SFMBT2: variants seen among roughly 807,000 people sequenced by gnomAD.
SFMBT2 encodes scm-like with four MBT domains protein 2.
SFMBT2 carries 38 observed loss-of-function variants against 110.1 expected under a neutral mutation model. That is an observed-to-expected ratio of 0.35 (90% CI 0.27 to 0.45). The LOEUF (loss-of-function observed/expected upper bound fraction) is 0.45. SFMBT2 is among the 20% of genes least tolerant of loss of function. SFMBT2 has a pLI of 1.00. For missense variants in SFMBT2, 1,011 were observed against 1,094.9 expected (o/e 0.92, Z 1.08); for synonymous variants, 425 against 425.4 (o/e 1.00, Z 0.01).
At position 7,227,861 on chromosome 10, in the gene SFMBT2, G is replaced by C; in HGVS notation, c.1197C>G (p.Phe399Leu). 1 of 1,608,774 alleles carries C rather than the reference G, an allele frequency of 6.2e-7. No homozygotes were observed. The highest frequency in any genetic ancestry group is 8.5e-7 in the Non-Finnish European group (1 of 1,178,342). The part of the protein sequence containing the change: ...HGAQEAPPFC[F>L]RNTSFSRGFT... The stretch of plus-strand genomic sequence containing the variant: ...TAAGAGAGAAGCTTCTTACATTTCG[G>C]AAGCAGAAGGGAGGGGCTTCCTGCG... Residue 399 changes from phenylalanine to leucine, a missense_variant, in exon 10 of 21, where the codon TTC becomes TTG. By Grantham distance (22) the Phe-to-Leu change is conservative. Coordinates refer to ENST00000397167, the MANE Select transcript of SFMBT2 (RefSeq NM_001387889.1).
intron 1 of SFMBT2, among the ~76,000 whole-genome samples, chr10:7,383,424 G>A (rs1845483049): frequency 6.6e-6 from 1 of 152,168 alleles, no homozygotes; most frequent in African/African-American, 2.4e-5. Flanking sequence ...CTCATGCCAG[G>A]AACAAGTAGG....
At chr10:7,358,546 T>C (rs1214482187) in intron 4 of SFMBT2, among the ~76,000 whole-genome samples, 1 of 151,784 alleles carries the variant, frequency 6.6e-6, no homozygotes, top group African/African-American at 2.4e-5. Context: ...AACATCTGTA[T>C]GGCCATGGAA....
chr10:7,402,917 G>A (rs1304433749), intron 1 of SFMBT2, among the ~76,000 whole-genome samples: 3 of 152,192 alleles, frequency 2.0e-5, no homozygotes, highest in Non-Finnish European at 4.4e-5. Context: ...TTTCGATAGT[G>A]TCTTCTTCAT....
intron 8 of SFMBT2, chr10:7,243,926 T>C (rs576296012): frequency 4.3e-6 from 1 of 233,794 alleles, no homozygotes; most frequent in Admixed American, 6.5e-5. Flanking sequence ...AATAACTAGG[T>C]TATCTGGAAG....
intron 11 of SFMBT2, 91 bp from the exon 12 acceptor site, chr10:7,206,019 G>T: frequency 6.6e-7 from 1 of 1,516,014 alleles, no homozygotes; most frequent in Non-Finnish European, 8.9e-7. Context: ...CCCTAACATG[G>T]GGAAAAACAT....
intron 4 of SFMBT2, among the ~76,000 whole-genome samples, chr10:7,323,030 C>T (rs1321005162): frequency 2.6e-5 from 4 of 152,006 alleles, no homozygotes; most frequent in African/African-American, 9.7e-5. Context: ...ATGAAGAAAA[C>T]AGAGAAGTTG....
chr10:7,367,934 C>T lies in SFMBT2; in HGVS notation c.196-45G>A, dbSNP rs751018249. The T allele has an allele frequency of 8.2e-6, 13 of 1,592,640 alleles. No homozygotes were observed. The highest frequency in any genetic ancestry group is 4.1e-5 in the African/African-American group (3 of 74,056). ...AGAAAACCCATTACTACACTAGACACAATACATCCAGAAGATGACAAAAAC... is the reference window on the plus strand; with the variant it reads ...AGAAAACCCATTACTACACTAGACATAATACATCCAGAAGATGACAAAAAC... On this transcript the variant is annotated intron_variant, in intron 3 of 20. Transcript: ENST00000397167. The surrounding 1 kb of genome is among the most constrained non-coding windows in gnomAD (Gnocchi z 6.2).
intron 9 of SFMBT2, among the ~76,000 whole-genome samples, chr10:7,231,191 A>T (rs1840104803): frequency 6.6e-6 from 1 of 152,188 alleles, no homozygotes; most frequent in Non-Finnish European, 1.5e-5. Context: ...GTGAAGACAC[A>T]TCTCTGTAAC....
Position 7,366,976 on chromosome 10 carries a change from TTG to T in SFMBT2, c.436+671_436+672del, listed in dbSNP as rs375848332. On this transcript the variant is annotated intron_variant, in intron 4 of 20. Coordinates refer to ENST00000397167, the MANE Select transcript of SFMBT2 (RefSeq NM_001387889.1). Reference sequence around the variant, plus strand: ...ACTGCCCCCGGAGAGAATAGTGGCTTTGTAGCAACTAAATTGATCATATCTAT... The same window carrying T: ...ACTGCCCCCGGAGAGAATAGTGGCTTTAGCAACTAAATTGATCATATCTAT... 4.2e-3 allele frequency among the ~76,000 whole-genome samples: 632 copies of T among 152,288 alleles called. 3 individuals carry two copies. The highest frequency in any genetic ancestry group is 0.015 in the African/African-American group (608 of 41,564).
chr10:7,191,063 C>T (rs1303075221), intron 15 of SFMBT2, among the ~76,000 whole-genome samples: 2 of 150,194 alleles, frequency 1.3e-5, no homozygotes, highest in African/African-American at 4.9e-5. Context: ...TGTGAGGCCT[C>T]CCCAGCCATG....
intron 13 of SFMBT2, chr10:7,200,918 G>T: frequency 3.8e-6 from 3 of 779,950 alleles, no homozygotes; most frequent in Non-Finnish European, 4.7e-6. Flanking sequence ...CTCCGGGCCC[G>T]CGGGAGTCAT....
intron 4 of SFMBT2, among the ~76,000 whole-genome samples, chr10:7,290,254 T>C (rs939171044): frequency 1.5e-5 from 2 of 136,936 alleles, no homozygotes; most frequent in African/African-American, 2.8e-5. Flanking sequence ...TAGAAAGTCA[T>C]AAGAAACAAA....
chr10:7,199,831 A>G (rs1333985849), intron 14 of SFMBT2, among the ~76,000 whole-genome samples: 1 of 152,174 alleles, frequency 6.6e-6, no homozygotes, highest in Admixed American at 6.5e-5. Flanking sequence ...TAGAGAATAG[A>G]CTTTTTAATC....
intron 4 of SFMBT2, among the ~76,000 whole-genome samples, chr10:7,324,613 T>A (rs1843315620): frequency 6.6e-6 from 1 of 152,224 alleles, no homozygotes; most frequent in Non-Finnish European, 1.5e-5. Context: ...TGGTTGTTCT[T>A]ACCAGCTAGA....
At position 7,245,963 on chromosome 10, in the gene SFMBT2, CT is replaced by C. The variant is rs1840594103; in HGVS notation, c.973-2259del. Reference sequence around the variant, plus strand: ...TTTTCAAACATAATATTCCAAAGTACTTTCCTCATATTTAAAGAAATACATT... The same window carrying C: ...TTTTCAAACATAATATTCCAAAGTACTTCCTCATATTTAAAGAAATACATT... On this transcript the variant is annotated intron_variant, in intron 8 of 20. Transcript: ENST00000397167. Among the ~76,000 whole-genome samples the C allele has an allele frequency of 2.0e-5, 3 of 152,188 alleles. No individual in the cohort carries two copies. The South Asian group carries it at 6.2e-4, about 32-fold the overall frequency.
chr10:7,394,639 G>C (rs1845874636), intron 1 of SFMBT2, among the ~76,000 whole-genome samples: 1 of 151,302 alleles, frequency 6.6e-6, no homozygotes, highest in African/African-American at 2.4e-5. Flanking sequence ...TAATGGTCTT[G>C]CTTATTCCAA....
At chr10:7,195,912 C>T (rs1241144735) in intron 15 of SFMBT2, among the ~76,000 whole-genome samples, 1 of 152,174 alleles carries the variant, frequency 6.6e-6, no homozygotes, top group East Asian at 1.9e-4. Flanking sequence ...ATGACCACAA[C>T]AATAGCCTTA....
chr10:7,172,025 G>A lies in SFMBT2; in HGVS notation c.2285C>T (p.Thr762Ile). 1 of 1,586,112 alleles carries A rather than the reference G, an allele frequency of 6.3e-7. No individual in the cohort carries two copies. The highest frequency in any genetic ancestry group is 8.6e-7 in the Non-Finnish European group (1 of 1,167,842). ...CACGGGCTCTGAGCCGCTCCGCAGG[G>A]TGACGGCCCTCCGGGGCCGGGCCGA... ...VPSARPRRAV[T>I]LRSGSEPVRR... The change falls in exon 19 of 21, where the codon ACC (threonine) becomes ATC (isoleucine). Residue 762 changes from threonine to isoleucine, a missense_variant. Physicochemically the swap from Thr to Ile is moderately conservative, Grantham distance 89. Around this residue, in one of 2 missense-constraint regions of SFMBT2, gnomAD observed 979 missense variants for 1,016.1 expected, o/e 0.96. Coordinates refer to ENST00000397167, the MANE Select transcript of SFMBT2 (RefSeq NM_001387889.1). This position sits in a 1 kb window ranked among gnomAD's most constrained non-coding sequence, Gnocchi z 4.6.
chr10:7,353,645 C>T (rs943291131), intron 4 of SFMBT2, among the ~76,000 whole-genome samples: 7 of 152,084 alleles, frequency 4.6e-5, no homozygotes, highest in South Asian at 2.1e-4. Context: ...TTCAATTTGG[C>T]GTTGAGAAAT....
Sources: gnomAD v4.1 joint callset for allele counts (sites outside exome capture counted in the v4.1 genomes callset) on GRCh38, gnomAD v4.1.1 for gene constraint, gnomAD v4.1.1 regional missense constraint, Gnocchi (gnomAD v3.1) non-coding constraint, MANE v1.5 for transcripts, NCBI Gene and HGNC (gene_info 2026-07-23, HGNC 2026-07-21) for gene names.